The following RPLP2 variants were observed in gnomAD, a reference collection of about 807,000 sequenced individuals.
RPLP2 encodes large ribosomal subunit protein P2.
A neutral mutation model predicts 11.5 loss-of-function variants in RPLP2; 1 was observed. That is an observed-to-expected ratio of 0.09 (90% CI 0.03 to 0.41). The LOEUF is 0.41. Among genes scored for constraint, RPLP2 ranks in the 10% least tolerant of loss-of-function variants. The probability of loss-of-function intolerance (pLI) is 0.98; values close to 1 mark genes in which losing one functional copy is unlikely to be tolerated. For synonymous variants in RPLP2, 82 were observed against 55.9 expected, an observed-to-expected ratio of 1.47 and a Z score of -2.08; for missense variants, 177 against 145.6, an observed-to-expected ratio of 1.22 and a Z score of -1.11.
chr11:812,732 C>G, intron 4 of RPLP2, 28 bp from the exon 5 acceptor site: 1 of 1,612,346 alleles, frequency 6.2e-7, no homozygotes, highest in Middle Eastern at 1.7e-4. Context: ...TTGGGCAGTG[C>G]TCACCATGCC....
chr11:810,256 C>T lies in RPLP2; in HGVS notation c.22C>T (p.Leu8=), dbSNP rs200920555. 3.8e-6 allele frequency: 6 copies of T among 1,596,124 alleles called. No homozygotes were observed. Among genetic ancestry groups the T allele is most frequent in the South Asian group, 2.2e-5 (2 of 88,906 alleles). The change falls in exon 2 of 5, where the codon CTG becomes TTG. Residue 8 remains leucine, a synonymous_variant. Transcript: ENST00000321153. ...CAGGATGCGCTACGTCGCCTCCTAC[C>T]TGCTGGCTGCCCTAGGGGGCAACTC... is the stretch of plus-strand genomic sequence containing the variant. The part of the protein sequence containing the change: MRYVASY[L]LAALGGNSSP...
At position 810,372 on chromosome 11, in the gene RPLP2, T is replaced by G; in HGVS notation, c.123+15T>G. On this transcript the variant is annotated intron_variant, in intron 2 of 4. Coordinates refer to ENST00000321153, the MANE Select transcript of RPLP2 (RefSeq NM_001004.4). ...GGCTCAACAAGGTAGCGGCCGCCCT[T>G]GCCCCGCAGCCGCCGTGGGGCCCCA... 1 of 1,601,432 alleles carries G rather than the reference T, an allele frequency of 6.2e-7. No homozygotes were observed. Among genetic ancestry groups the G allele is most frequent in the South Asian group, 1.1e-5 (1 of 89,572 alleles).
chr11:811,698 T>C lies in RPLP2; in HGVS notation c.172+53T>C, dbSNP rs1866068511. The C allele has an allele frequency of 5.6e-6, 9 of 1,610,854 alleles. No homozygotes were observed. In the Admixed American group the frequency reaches 1.5e-4, roughly 27 times the overall value. ...TGTTTTCATGGTCCATCCTAATCCC[T>C]GCCGGTCCATCTGTGGCCTGCCAGG... On this transcript the variant is annotated intron_variant, in intron 3 of 4. Coordinates refer to ENST00000321153, the MANE Select transcript of RPLP2 (RefSeq NM_001004.4).
In RPLP2 at chr11:810,304, A is replaced by G. The variant is rs1177896454; in HGVS notation, c.70A>G (p.Lys24Glu). The G allele has an allele frequency of 3.7e-6, 6 of 1,609,510 alleles. No homozygotes were observed. The African/African-American group carries it at 6.7e-5, about 18-fold the overall frequency. ...GNSSPSAKDI[K>E]KILDSVGIEA... ...CTCCTCCCCCAGCGCCAAGGACATC[A>G]AGAAGATCTTGGACAGCGTGGGTAT... Residue 24 changes from lysine to glutamate, a missense_variant, in exon 2 of 5, where the codon AAG (lysine) becomes GAG (glutamate). Coordinates refer to ENST00000321153, the MANE Select transcript of RPLP2 (RefSeq NM_001004.4).
rs373764056 is a variant in RPLP2, at chr11:812,564, G to A, written c.202G>A (p.Gly68Ser). 1.2e-5 allele frequency: 20 copies of A among 1,609,688 alleles called. No individual in the cohort carries two copies. The highest frequency in any genetic ancestry group is 1.7e-5 in the Non-Finnish European group (20 of 1,179,874). Reference sequence around the variant, plus strand: ...TGGCAAGCTTGCCAGTGTACCTGCTGGTGGGGCTGTAGCCGTCTCTGCTGC... The same window carrying A: ...TGGCAAGCTTGCCAGTGTACCTGCTAGTGGGGCTGTAGCCGTCTCTGCTGC... The part of the protein sequence containing the change: ...GIGKLASVPA[G>S]GAVAVSAAPG... Residue 68 changes from glycine to serine, a missense_variant, in exon 4 of 5, where the codon GGT becomes AGT. Coordinates refer to ENST00000321153, the MANE Select transcript of RPLP2 (RefSeq NM_001004.4).
intron 2 of RPLP2, 61 bp from the exon 3 acceptor site, chr11:811,536 G>T: frequency 1.2e-6 from 2 of 1,604,162 alleles, no homozygotes; most frequent in Non-Finnish European, 8.5e-7. Flanking sequence ...ACTCTGGGAG[G>T]GAGAGGGCCG....
At chr11:810,443 G>A in intron 2 of RPLP2, 86 bp downstream of exon 2, 1 of 1,344,428 alleles carries the variant, frequency 7.4e-7, no homozygotes, top group East Asian at 2.7e-5. Context: ...CCACATGCTG[G>A]AGGGTTCGGG....
rs774923485 is a variant in RPLP2, at chr11:810,293, C to T, written c.59C>T (p.Ala20Val). 1.9e-6 allele frequency: 3 copies of T among 1,608,838 alleles called. No homozygotes were observed. The highest frequency in any genetic ancestry group is 2.5e-6 in the Non-Finnish European group (3 of 1,178,374). The change falls in exon 2 of 5, where the codon GCC becomes GTC. Residue 20 changes from alanine (A) to valine (V), a missense_variant. Ala to Val is a moderately conservative substitution (Grantham distance 64). Transcript: ENST00000321153. Reference protein sequence around the residue: ...AALGGNSSPSAKDIKKILDSV... With the variant: ...AALGGNSSPSVKDIKKILDSV... ...CTAGGGGGCAACTCCTCCCCCAGCG[C>T]CAAGGACATCAAGAAGATCTTGGAC...
chr11:811,365 A>G (rs1866050993), intron 2 of RPLP2: 1 of 583,218 alleles, frequency 1.7e-6, no homozygotes. Context: ...CAACATAAGT[A>G]GTGAGATGCC....
At chr11:811,941 A>G in intron 3 of RPLP2, 1 of 636,366 alleles carries the variant, frequency 1.6e-6, no homozygotes, top group Non-Finnish European at 2.9e-6. Flanking sequence ...TGGTGTCTGG[A>G]GAACTGAGTT....
chr11:810,622 C>T (rs552182932), intron 2 of RPLP2: 2 of 315,632 alleles, frequency 6.3e-6, no homozygotes, highest in Admixed American at 5.1e-5. Flanking sequence ...GTCGAAACCC[C>T]ATCCCTACTA....
At position 809,994 on chromosome 11, in the gene RPLP2, C is replaced by T. The variant is rs929544452; in HGVS notation, c.-47C>T. On this transcript the variant is annotated 5_prime_UTR_variant, in exon 1 of 5. Coordinates refer to ENST00000321153, the MANE Select transcript of RPLP2 (RefSeq NM_001004.4). ...TTTTCCTCCCTGTCGCCACCGAGGTCGCACGCGTGAGACTTCTCCGCCGCC... is the reference window on the plus strand; with the variant it reads ...TTTTCCTCCCTGTCGCCACCGAGGTTGCACGCGTGAGACTTCTCCGCCGCC... 2.2e-4 allele frequency: 92 copies of T among 423,238 alleles called. No individual in the cohort carries two copies. The highest frequency in any genetic ancestry group is 3.4e-4 in the Non-Finnish European group (84 of 247,712). The allele number at this position is 423,238 out of a possible 1,614,324, so 26.2% of individuals were successfully genotyped here.
At position 810,367 on chromosome 11, in the gene RPLP2, G is replaced by C. The variant is rs367573432; in HGVS notation, c.123+10G>C. The C allele has an allele frequency of 3.1e-6, 5 of 1,602,596 alleles. No individual in the cohort carries two copies. The Admixed American group carries it at 6.8e-5, about 22-fold the overall frequency. On this transcript the variant is annotated intron_variant, in intron 2 of 4. Coordinates refer to ENST00000321153, the MANE Select transcript of RPLP2 (RefSeq NM_001004.4). ...CGACCGGCTCAACAAGGTAGCGGCC[G>C]CCCTTGCCCCGCAGCCGCCGTGGGG...
rs1866056517 is a variant in RPLP2 at position 811,418 on chromosome 11, CATTT to C, written c.124-174_124-171del. On this transcript the variant is annotated intron_variant, in intron 2 of 4. Transcript: ENST00000321153. Reference sequence around the variant, plus strand: ...TCCTAAGTCTAAGAAAGCTAGTGTCCATTTATTTTTATATCACTTCCCAAGTGAG... The same window carrying C: ...TCCTAAGTCTAAGAAAGCTAGTGTCCATTTTTATATCACTTCCCAAGTGAG... The C allele has an allele frequency of 6.2e-6, 4 of 648,384 alleles. 1 individual carries two copies. The South Asian group carries it at 7.7e-5, about 12-fold the overall frequency. 40.2% of individuals were successfully genotyped at this position (648,384 alleles called of 1,614,324 possible). A position where few individuals can be genotyped will look rare whatever the true frequency, so the allele number is the denominator to read the frequency against.
intron 3 of RPLP2, chr11:812,186 G>A (rs1156416369): frequency 2.5e-6 from 1 of 407,086 alleles, no homozygotes; most frequent in Non-Finnish European, 4.6e-6. Context: ...CATGAACACA[G>A]CGTTGTGGCC....
Position 810,376 on chromosome 11 carries a change from CCG to C in RPLP2, c.123+21_123+22del. 3 of 1,600,018 alleles carry C rather than the reference CCG, an allele frequency of 1.9e-6. No homozygotes were observed. The highest frequency in any genetic ancestry group is 2.6e-6 in the Non-Finnish European group (3 of 1,174,108). On this transcript the variant is annotated intron_variant, in intron 2 of 4. Coordinates refer to ENST00000321153, the MANE Select transcript of RPLP2 (RefSeq NM_001004.4). ...CAACAAGGTAGCGGCCGCCCTTGCC[CCG>C]CAGCCGCCGTGGGGCCCCAGTGTCC...
At chr11:810,858 T>G in intron 2 of RPLP2, among the ~76,000 whole-genome samples, 1 of 144,960 alleles carries the variant, frequency 6.9e-6, no homozygotes, top group African/African-American at 2.5e-5. Flanking sequence ...GGAAGTTTAA[T>G]ACCAGTGAGC....
intron 2 of RPLP2, among the ~76,000 whole-genome samples, chr11:810,925 C>A (rs1315919288): frequency 6.9e-6 from 1 of 145,198 alleles, no homozygotes; most frequent in Non-Finnish European, 1.5e-5. Flanking sequence ...GCTCACCCGG[C>A]TTTGGGAGGC....
chr11:811,801 A>G (rs1261472172), intron 3 of RPLP2, 156 bp downstream of exon 3: 3 of 893,992 alleles, frequency 3.4e-6, no homozygotes, highest in Non-Finnish European at 3.8e-6. Context: ...CGTCATGGGC[A>G]CTTCTAGACA....
Sources: gnomAD v4.1 joint callset for allele counts (sites outside exome capture counted in the v4.1 genomes callset) on GRCh38, gnomAD v4.1.1 for gene constraint, MANE v1.5 for transcripts, NCBI Gene and HGNC (gene_info 2026-07-23, HGNC 2026-07-21) for gene names.